ELP4: variants seen among roughly 807,000 people sequenced by gnomAD.
ELP4 encodes elongator complex protein 4.
A neutral mutation model predicts 48.9 loss-of-function variants in ELP4; 51 were observed. The ratio of observed to expected loss-of-function variants is 1.04; its 90% CI spans 0.83 to 1.32. ELP4 has a LOEUF of 1.32. Ranked by LOEUF, ELP4 falls within the 40% of genes most tolerant of loss-of-function variation. The pLI is 0.00. For synonymous variants in ELP4, 210 were observed against 189.2 expected (o/e 1.11, Z -0.90); for missense variants, 519 against 514.6 (o/e 1.01, Z -0.08).
chr11:31,725,811 T>A (rs1472738106), intron 9 of ELP4, among the ~76,000 whole-genome samples: 1 of 152,172 alleles, frequency 6.6e-6, no homozygotes, highest in Non-Finnish European at 1.5e-5. Context: ...AGCCTCACTT[T>A]GGGCATTGCT....
At chr11:31,659,069 TATA>T (rs1945500120) in intron 9 of ELP4, among the ~76,000 whole-genome samples, 2 of 152,012 alleles carry the variant, frequency 1.3e-5, no homozygotes, top group South Asian at 2.1e-4. Context: ...ATTAAGAAAA[TATA>T]ATGATAAATA....
chr11:31,576,821 T>G (rs1320011334), intron 3 of ELP4, among the ~76,000 whole-genome samples: 1 of 152,066 alleles, frequency 6.6e-6, no homozygotes, highest in Non-Finnish European at 1.5e-5. Flanking sequence ...TAGCACTAAA[T>G]GCCCAAAAGA....
intron 9 of ELP4, chr11:31,707,131 T>C: frequency 2.5e-6 from 1 of 396,568 alleles, no homozygotes; most frequent in Admixed American, 4.4e-5. Context: ...GGTAGTTTCA[T>C]TTGCAGTTTC....
chr11:31,729,978 A>G (rs534158483), intron 9 of ELP4, among the ~76,000 whole-genome samples: 1 of 152,348 alleles, frequency 6.6e-6, no homozygotes, highest in East Asian at 1.9e-4. Flanking sequence ...AGGAATCCCC[A>G]GACATTCTTT....
At chr11:31,750,814 TG>T (rs576978271) in intron 9 of ELP4, among the ~76,000 whole-genome samples, 37 of 152,318 alleles carry the variant, frequency 2.4e-4, no homozygotes, top group Middle Eastern at 3.4e-3. Context: ...TTATTCCCTG[TG>T]ATCTCCCTAA....
chr11:31,515,390 G>C (rs556901280), intron 1 of ELP4, among the ~76,000 whole-genome samples: 31 of 152,278 alleles, frequency 2.0e-4, no homozygotes, highest in Non-Finnish European at 3.2e-4. Flanking sequence ...ACTCATGCCT[G>C]TAATCTCAAC....
At chr11:31,614,278 C>T (rs1408520680) in intron 5 of ELP4, among the ~76,000 whole-genome samples, 1 of 152,084 alleles carries the variant, frequency 6.6e-6, no homozygotes, top group Non-Finnish European at 1.5e-5. Flanking sequence ...CACTGGGACT[C>T]TTTGGAGAAA....
At chr11:31,539,818 ATGTTTCATG>A in intron 3 of ELP4, 35 bp downstream of exon 3, 3 of 1,535,552 alleles carry the variant, frequency 2.0e-6, no homozygotes, top group Admixed American at 2.0e-5. Context: ...TGCATTTTGA[ATGTTTCATG>A]AAAAAATATT....
At chr11:31,731,667 C>A (rs1947191645) in intron 9 of ELP4, among the ~76,000 whole-genome samples, 1 of 151,048 alleles carries the variant, frequency 6.6e-6, no homozygotes, top group South Asian at 2.1e-4. Context: ...GAAACAACTC[C>A]CCAAATCTGG....
chr11:31,533,430 T>G (rs1213350881), intron 2 of ELP4, among the ~76,000 whole-genome samples: 1 of 132,828 alleles, frequency 7.5e-6, no homozygotes, highest in Non-Finnish European at 1.6e-5. Flanking sequence ...CAGGCCAGAC[T>G]GCAGTGGCGC....
intron 3 of ELP4, among the ~76,000 whole-genome samples, chr11:31,574,727 C>T (rs1957244163): frequency 6.6e-6 from 1 of 152,218 alleles, no homozygotes; most frequent in Non-Finnish European, 1.5e-5. Flanking sequence ...AGGATCCTGA[C>T]TGTTAGAAGG....
Position 31,789,836 on chromosome 11 carries a change from A to G in ELP4, c.*6312A>G, listed in dbSNP as rs1356111899. On this transcript the variant is annotated 3_prime_UTR_variant, in exon 10 of 10. Transcript: ENST00000640961. Reference sequence around the variant, plus strand: ...TAGAACTGAAGCGGCTCTAACAGCCATTTTTCTTTCTTTCCTGAAAGCTCA... The same window carrying G: ...TAGAACTGAAGCGGCTCTAACAGCCGTTTTTCTTTCTTTCCTGAAAGCTCA... The G allele has an allele frequency of 1.7e-6, 2 of 1,148,644 alleles. No individual in the cohort carries two copies. Among genetic ancestry groups the G allele is most frequent in the Non-Finnish European group, 2.6e-6 (2 of 781,304 alleles). The allele number at this position is 1,148,644 out of a possible 1,614,324, so 71.2% of individuals were successfully genotyped here.
rs192205449 is a variant in ELP4 at position 31,574,000 on chromosome 11, A to C, written c.382-20770A>C. Among the ~76,000 whole-genome samples, 197 of 152,384 alleles carry C rather than the reference A, an allele frequency of 1.3e-3. 1 individual carries two copies. Among genetic ancestry groups the C allele is most frequent in the African/African-American group, 4.2e-3 (173 of 41,590 alleles). On this transcript the variant is annotated intron_variant, in intron 3 of 9. Transcript: ENST00000640961. ...GAGTATATAACAGTTGTTATGGATG[A>C]AAAGATGGCTAAGACATAGTCGTTG...
chr11:31,541,227 C>G (rs533797276), intron 3 of ELP4, among the ~76,000 whole-genome samples: 1 of 152,216 alleles, frequency 6.6e-6, no homozygotes, highest in East Asian at 1.9e-4. Context: ...TAAAATAATT[C>G]GTTCATATGA....
At chr11:31,670,703 A>G (rs1476683401) in intron 9 of ELP4, among the ~76,000 whole-genome samples, 1 of 152,174 alleles carries the variant, frequency 6.6e-6, no homozygotes, top group Non-Finnish European at 1.5e-5. Context: ...CGTTGCCCAC[A>G]GTGTCAAAAG....
At chr11:31,599,562 A>T (rs1253806683) in intron 4 of ELP4, 1 of 151,918 alleles carries the variant, frequency 6.6e-6, no homozygotes, top group Non-Finnish European at 1.5e-5. Flanking sequence ...ATTCTCACTG[A>T]GACTGGGTCA....
chr11:31,635,874 A>G (rs1479825935), intron 7 of ELP4, among the ~76,000 whole-genome samples: 1 of 152,010 alleles, frequency 6.6e-6, no homozygotes, highest in Non-Finnish European at 1.5e-5. Flanking sequence ...TATGAAAAAC[A>G]CTGACAGGAT....
intron 4 of ELP4, among the ~76,000 whole-genome samples, chr11:31,602,936 T>C (rs1010580257): frequency 1.3e-5 from 2 of 151,978 alleles, no homozygotes; most frequent in Admixed American, 6.6e-5. Context: ...ATTTTCAATG[T>C]ATTGAATGAA....
intron 3 of ELP4, among the ~76,000 whole-genome samples, chr11:31,564,552 C>T (rs978699753): frequency 2.6e-5 from 4 of 151,982 alleles, no homozygotes; most frequent in East Asian, 3.9e-4. Flanking sequence ...GGACAAGCCC[C>T]GGTGTGTGAT....
Sources: gnomAD v4.1 joint callset for allele counts (sites outside exome capture counted in the v4.1 genomes callset) on GRCh38, gnomAD v4.1.1 for gene constraint, MANE v1.5 for transcripts, NCBI Gene and HGNC (gene_info 2026-07-23, HGNC 2026-07-21) for gene names.